Variants in RAD52 observed in about 807,000 individuals in gnomAD.
RAD52 encodes DNA repair protein RAD52 homolog.
Under a neutral mutation model 55.5 loss-of-function variants are expected in RAD52, and 47 were observed. The observed-to-expected ratio is 0.85, with a 90% confidence interval of 0.67 to 1.08. The LOEUF (loss-of-function observed/expected upper bound fraction) is 1.08, where lower values mean the gene tolerates loss of function less well. Among genes scored for constraint, RAD52 ranks in the 50% least tolerant of loss-of-function variants. RAD52 has a pLI of 0.00. For missense variants in RAD52, 468 were observed against 522.8 expected, an observed-to-expected ratio of 0.90 and a Z score of 1.02; for synonymous variants, 184 against 198.9, an observed-to-expected ratio of 0.92 and a Z score of 0.63.
At chr12:953,052 T>G (rs1222177516), upstream of RAD52, among the ~76,000 whole-genome samples, 1 of 88,520 alleles carries the variant, frequency 1.1e-5, no homozygotes, top group African/African-American at 4.6e-5. Context: ...GGCTCACACC[T>G]GTAATCCCAG....
chr12:971,389 G>A (rs1958849278), intron 1 of RAD52, among the ~76,000 whole-genome samples: 1 of 151,886 alleles, frequency 6.6e-6, no homozygotes, highest in South Asian at 2.1e-4. Flanking sequence ...CTAATATATA[G>A]GACTTAGAAT....
intron 1 of RAD52, among the ~76,000 whole-genome samples, chr12:971,585 T>C (rs1210543603): frequency 6.6e-6 from 1 of 152,202 alleles, no homozygotes; most frequent in Non-Finnish European, 1.5e-5. Context: ...AAATTAATTA[T>C]TTATTCAAAA....
chr12:967,185 C>T (rs933919336), intron 1 of RAD52, among the ~76,000 whole-genome samples: 1 of 151,862 alleles, frequency 6.6e-6, no homozygotes, highest in Admixed American at 6.6e-5. Context: ...TCCAGACCAG[C>T]CTGGCCAACA....
At chr12:982,094 T>C (rs1451523600) in intron 1 of RAD52, among the ~76,000 whole-genome samples, 5 of 152,166 alleles carry the variant, frequency 3.3e-5, no homozygotes, top group African/African-American at 1.2e-4. Context: ...TGAATCTCCT[T>C]TGGGATCAGT....
In RAD52 at chr12:938,881, C is replaced by T. The variant is rs191232062; in HGVS notation, c.-18-5805G>A. On this transcript the variant is annotated intron_variant, in intron 1 of 11. Coordinates refer to ENST00000358495, the MANE Select transcript of RAD52 (RefSeq NM_134424.4). Reference sequence around the variant, plus strand: ...GGCTCAGGTGATCCTTCTGCCTCAGCCTCCCGAGTAGCTTAGACTACAGGT... The same window carrying T: ...GGCTCAGGTGATCCTTCTGCCTCAGTCTCCCGAGTAGCTTAGACTACAGGT... Among the ~76,000 whole-genome samples, 360 of 152,188 alleles carry T rather than the reference C, an allele frequency of 2.4e-3. 2 individuals carry two copies. Among genetic ancestry groups the T allele is most frequent in the African/African-American group, 8.4e-3 (349 of 41,524 alleles).
chr12:958,090 G>A (rs1022646205), intron 1 of RAD52, among the ~76,000 whole-genome samples: 1 of 152,214 alleles, frequency 6.6e-6, no homozygotes, highest in African/African-American at 2.4e-5. Flanking sequence ...AGGGGGCTCC[G>A]GGGCTGGGAG....
chr12:938,454 G>C (rs576688768), intron 1 of RAD52, among the ~76,000 whole-genome samples: 1 of 152,204 alleles, frequency 6.6e-6, no homozygotes, highest in Non-Finnish European at 1.5e-5. Flanking sequence ...AGGCCAAGGC[G>C]GGTGGATCAT....
At chr12:934,363 T>C (rs938055717) in intron 1 of RAD52, among the ~76,000 whole-genome samples, 2 of 150,388 alleles carry the variant, frequency 1.3e-5, no homozygotes, top group Non-Finnish European at 2.9e-5. Flanking sequence ...CTTGGGAGGC[T>C]GAGGTAGGAG....
chr12:938,801 C>T (rs1426480215), intron 1 of RAD52, among the ~76,000 whole-genome samples: 2 of 152,066 alleles, frequency 1.3e-5, no homozygotes, highest in Non-Finnish European at 2.9e-5. Context: ...ATTATTAGGA[C>T]AATGGGAGAA....
At chr12:943,227 T>A (rs7311263) in intron 1 of RAD52, among the ~76,000 whole-genome samples, 1 of 151,998 alleles carries the variant, frequency 6.6e-6, no homozygotes, top group African/African-American at 2.4e-5. Context: ...GGAAACAGGC[T>A]GATAAAACCA....
intron 1 of RAD52, chr12:989,725 A>C (rs550613166): frequency 6.6e-6 from 1 of 152,334 alleles, no homozygotes; most frequent in African/African-American, 2.4e-5. Flanking sequence ...CACAAGTAGA[A>C]TGAATTGCCT....
intron 1 of RAD52, among the ~76,000 whole-genome samples, chr12:965,552 G>A (rs1315138176): frequency 1.3e-5 from 2 of 152,034 alleles, no homozygotes; most frequent in Non-Finnish European, 2.9e-5. Flanking sequence ...CTAGTGAACA[G>A]AATCCCCAGT....
intron 7 of RAD52, among the ~76,000 whole-genome samples, chr12:922,217 A>AAAAAC (rs1956780526): frequency 7.1e-6 from 1 of 141,574 alleles, no homozygotes; most frequent in Non-Finnish European, 1.5e-5. Flanking sequence ...AAAAAAACCA[A>AAAAAC]AAACTCAGAA....
intron 1 of RAD52, among the ~76,000 whole-genome samples, chr12:965,180 A>G (rs1402016173): frequency 6.6e-6 from 1 of 151,718 alleles, no homozygotes; most frequent in African/African-American, 2.4e-5. Flanking sequence ...GGGTTTCTCC[A>G]TGTTGGCCAG....
At chr12:981,069 C>T (rs1306232589) in intron 1 of RAD52, among the ~76,000 whole-genome samples, 1 of 151,952 alleles carries the variant, frequency 6.6e-6, no homozygotes, top group Non-Finnish European at 1.5e-5. Flanking sequence ...GTAGCTCACA[C>T]CTGTAATCTC....
intron 1 of RAD52, among the ~76,000 whole-genome samples, chr12:988,421 G>C (rs1266211574): frequency 6.6e-6 from 1 of 152,096 alleles, no homozygotes; most frequent in African/African-American, 2.4e-5. Flanking sequence ...ATAACACTTA[G>C]TTGTCTGTTC....
intron 1 of RAD52, among the ~76,000 whole-genome samples, chr12:933,796 T>C (rs1288262062): frequency 6.6e-6 from 1 of 151,772 alleles, no homozygotes; most frequent in Non-Finnish European, 1.5e-5. Flanking sequence ...ATCCAAAACG[T>C]TTTGAGTGCC....
upstream of RAD52, chr12:990,118 A>G (rs181037924): frequency 1.3e-5 from 2 of 152,374 alleles, no homozygotes; most frequent in East Asian, 1.9e-4. Context: ...AAGGCTGAGG[A>G]GCGACTGCAA....
intron 1 of RAD52, among the ~76,000 whole-genome samples, chr12:956,078 C>G (rs1405408121): frequency 6.6e-6 from 1 of 152,200 alleles, no homozygotes; most frequent in Non-Finnish European, 1.5e-5. Context: ...CTGCTACTCC[C>G]CTTCCTATAC....
Sources: gnomAD v4.1 joint callset for allele counts (sites outside exome capture counted in the v4.1 genomes callset) on GRCh38, gnomAD v4.1.1 for gene constraint, MANE v1.5 for transcripts, NCBI Gene and HGNC (gene_info 2026-07-23, HGNC 2026-07-21) for gene names.